Variants in SLC16A2 observed in about 807,000 individuals in gnomAD.
SLC16A2 encodes the protein solute carrier family 16 member 2.
A neutral mutation model predicts 27.2 loss-of-function variants in SLC16A2; 3 were observed. The ratio of observed to expected loss-of-function variants is 0.11; its 90% CI spans 0.05 to 0.28. The LOEUF (loss-of-function observed/expected upper bound fraction) is 0.28. SLC16A2 is among the 10% of genes least tolerant of loss of function. The pLI is 1.00. For missense variants in SLC16A2, 295 were observed against 458.5 expected, an observed-to-expected ratio of 0.64 and a Z score of 3.26; for synonymous variants, 202 against 187.8, an observed-to-expected ratio of 1.08 and a Z score of -0.62.
intron 1 of SLC16A2, among the ~76,000 whole-genome samples, chrX:74,508,871 T>C: frequency 8.9e-6 from 1 of 112,077 alleles, no homozygotes; most frequent in Non-Finnish European, 1.9e-5. Context: ...CCCTCCCACG[T>C]CTTCTTACTG....
chrX:74,504,946 T>C (rs964757092), intron 1 of SLC16A2, among the ~76,000 whole-genome samples: 1 of 111,698 alleles, frequency 9.0e-6, no homozygotes, highest in African/African-American at 3.3e-5. Flanking sequence ...ACTGTAATCA[T>C]GCCACTGCAC....
chrX:74,497,047 C>T (rs3861330), intron 1 of SLC16A2, among the ~76,000 whole-genome samples: 58,529 of 110,970 alleles, frequency 0.53, 13,411 homozygotes, highest in Non-Finnish European at 0.73. Context: ...GGACGTCCAG[C>T]AGCTTGTGTG....
intron 5 of SLC16A2, among the ~76,000 whole-genome samples, chrX:74,530,420 G>T (rs1057043899): frequency 1.8e-5 from 2 of 112,064 alleles, no homozygotes; most frequent in Non-Finnish European, 3.8e-5. Flanking sequence ...TTTTCTGTAG[G>T]ATTTATTGTA....
intron 1 of SLC16A2, among the ~76,000 whole-genome samples, chrX:74,457,405 C>T (rs778398458): frequency 9.0e-6 from 1 of 110,582 alleles, no homozygotes; most frequent in Non-Finnish European, 1.9e-5. Context: ...TTCCCAGCCT[C>T]CATTGACTTT....
At chrX:74,449,417 G>A (rs1205901780) in intron 1 of SLC16A2, among the ~76,000 whole-genome samples, 1 of 112,030 alleles carries the variant, frequency 8.9e-6, no homozygotes, top group Non-Finnish European at 1.9e-5. Flanking sequence ...TCCACTCTTG[G>A]AAAACATATG....
chrX:74,472,971 G>C (rs777741782), intron 1 of SLC16A2: 2 of 442,160 alleles, frequency 4.5e-6, no homozygotes, highest in African/African-American at 4.8e-5. Context: ...TAGCTTCCCT[G>C]CCACTTCTCT....
rs776669851 is a variant in SLC16A2, at chrX:74,469,480, C to T, written c.430+47413C>T. ...AGATTTCAATTTCTGTACATCCTCA[C>T]CAACACTTATTTTTTGTATTTTTTT... On this transcript the variant is annotated intron_variant, in intron 1 of 5. Coordinates refer to ENST00000587091, the MANE Select transcript of SLC16A2 (RefSeq NM_006517.5). Among the ~76,000 whole-genome samples the T allele has an allele frequency of 4.5e-5, 5 of 112,075 alleles. No individual in the cohort carries two copies. In the East Asian group the frequency reaches 1.4e-3, roughly 31 times the overall value.
intron 1 of SLC16A2, among the ~76,000 whole-genome samples, chrX:74,480,134 G>A (rs1237235734): frequency 8.9e-6 from 1 of 112,294 alleles, no homozygotes; most frequent in East Asian, 2.8e-4. Context: ...GCTCCACCCA[G>A]TTTGAGCTTC....
chrX:74,429,697 T>C (rs1250295524), intron 1 of SLC16A2, among the ~76,000 whole-genome samples: 4 of 112,093 alleles, frequency 3.6e-5, no homozygotes, highest in Non-Finnish European at 7.5e-5. Context: ...TCCAGACCTA[T>C]GTGTATGTGT....
intron 1 of SLC16A2, among the ~76,000 whole-genome samples, chrX:74,483,224 T>C (rs1465381035): frequency 9.0e-6 from 1 of 111,524 alleles, no homozygotes; most frequent in Non-Finnish European, 1.9e-5. Flanking sequence ...TCTCCTTACC[T>C]AAGATCCTCT....
intron 1 of SLC16A2, among the ~76,000 whole-genome samples, chrX:74,490,058 C>A (rs1335444667): frequency 1.1e-5 from 1 of 92,920 alleles, no homozygotes; most frequent in Non-Finnish European, 2.0e-5. Context: ...GAGATAAATA[C>A]AAATTCACTG....
chrX:74,432,897 G>C (rs957002138), intron 1 of SLC16A2, among the ~76,000 whole-genome samples: 1 of 111,780 alleles, frequency 8.9e-6, no homozygotes, highest in Non-Finnish European at 1.9e-5. Flanking sequence ...CAAAAGGTAT[G>C]ATGGTGAAAA....
intron 1 of SLC16A2, among the ~76,000 whole-genome samples, chrX:74,476,615 T>C (rs1929484690): frequency 8.9e-6 from 1 of 111,890 alleles, no homozygotes; most frequent in African/African-American, 3.3e-5. Context: ...GCTGTGGGTT[T>C]GTCATAAATA....
At chrX:74,510,938 G>A (rs1930219947) in intron 1 of SLC16A2, among the ~76,000 whole-genome samples, 1 of 107,069 alleles carries the variant, frequency 9.3e-6, no homozygotes, top group South Asian at 4.2e-4. Flanking sequence ...GTGCATTGGT[G>A]CGTGCCTGTA....
chrX:74,509,112 G>T (rs1227502914), intron 1 of SLC16A2, among the ~76,000 whole-genome samples: 2 of 110,651 alleles, frequency 1.8e-5, no homozygotes, highest in African/African-American at 6.6e-5. Context: ...CCAGGTGCGT[G>T]CCACCAGGCC....
chrX:74,491,889 C>T (rs1929832874), intron 1 of SLC16A2, among the ~76,000 whole-genome samples: 1 of 112,138 alleles, frequency 8.9e-6, no homozygotes, highest in African/African-American at 3.2e-5. Context: ...CCTCATACTC[C>T]CATTCTGGAA....
intron 1 of SLC16A2, among the ~76,000 whole-genome samples, chrX:74,424,316 T>C (rs1023672325): frequency 2.7e-5 from 3 of 111,593 alleles, no homozygotes; most frequent in Admixed American, 9.5e-5. Flanking sequence ...TTATTTTTTA[T>C]ACTAGAGGTT....
intron 1 of SLC16A2, among the ~76,000 whole-genome samples, chrX:74,439,070 A>G (rs1010136686): frequency 1.5e-4 from 17 of 111,369 alleles, no homozygotes; most frequent in African/African-American, 5.6e-4. Flanking sequence ...GTGCCTAATG[A>G]AAATTAGTCA....
At chrX:74,509,754 G>A in intron 1 of SLC16A2, among the ~76,000 whole-genome samples, 1 of 111,488 alleles carries the variant, frequency 9.0e-6, no homozygotes, top group East Asian at 2.8e-4. Context: ...TTTTAGTAGA[G>A]ACAGAATTTC....
Sources: allele counts gnomAD v4.1 joint callset (sites outside exome capture counted in the v4.1 genomes callset), GRCh38; gene constraint gnomAD v4.1.1; transcripts MANE v1.5; gene names NCBI Gene and HGNC (gene_info 2026-07-23, HGNC 2026-07-21).